CDK14: variants seen among roughly 807,000 people sequenced by gnomAD.
CDK14 encodes cyclin dependent kinase 14, also known as cyclin-dependent kinase 14.
A neutral mutation model predicts 60.7 loss-of-function variants in CDK14; 34 were observed. The ratio of observed to expected loss-of-function variants is 0.56; its 90% CI spans 0.43 to 0.75. CDK14 has a LOEUF of 0.75. CDK14 is among the 30% of genes least tolerant of loss of function. The pLI, the probability that CDK14 is intolerant of heterozygous loss-of-function variation, is 0.00. For synonymous variants in CDK14, 197 were observed against 203.7 expected, an observed-to-expected ratio of 0.97 and a Z score of 0.28; for missense variants, 482 against 564.1, an observed-to-expected ratio of 0.85 and a Z score of 1.47.
At position 90,596,574 on chromosome 7, in the gene CDK14, C is replaced by A; in HGVS notation, c.-54C>A. ...CCGCGGCGCGCGCCCTCGCCGTTGT[C>A]TGAGCTGTGCCTGGACCAGTTTGGG... On this transcript the variant is annotated 5_prime_UTR_variant, in exon 1 of 15. It adds an upstream start codon to the 5' untranslated region. Transcript: ENST00000380050. 6.7e-7 allele frequency: 1 copy of A among 1,500,946 alleles called. No homozygotes were observed. The highest frequency in any genetic ancestry group is 9.2e-7 in the Non-Finnish European group (1 of 1,082,360). The allele number at this position is 1,500,946 out of a possible 1,614,324, so 93.0% of individuals were successfully genotyped here.
At chr7:91,099,156 G>T (rs1407946579) in intron 12 of CDK14, among the ~76,000 whole-genome samples, 2 of 152,228 alleles carry the variant, frequency 1.3e-5, no homozygotes, top group South Asian at 4.2e-4. Flanking sequence ...AGAATGAAAG[G>T]CTAGGTAGCC....
chr7:90,879,152 C>T (rs1791659162), intron 6 of CDK14, among the ~76,000 whole-genome samples: 1 of 152,162 alleles, frequency 6.6e-6, no homozygotes, highest in South Asian at 2.1e-4. Flanking sequence ...ACTTACTATC[C>T]AACCACTCCA....
intron 10 of CDK14, among the ~76,000 whole-genome samples, chr7:91,006,927 C>G (rs996897352): frequency 6.6e-6 from 1 of 152,138 alleles, no homozygotes; most frequent in Non-Finnish European, 1.5e-5. Flanking sequence ...CCCACCTATT[C>G]CTGAAAATTT....
chr7:91,095,329 A>G (rs1267361876), intron 12 of CDK14, among the ~76,000 whole-genome samples: 1 of 152,214 alleles, frequency 6.6e-6, no homozygotes, highest in Non-Finnish European at 1.5e-5. Context: ...AGTATAGTGA[A>G]TGTGGGGAGA....
chr7:90,998,835 G>T (rs1245599116), intron 10 of CDK14, among the ~76,000 whole-genome samples: 1 of 152,170 alleles, frequency 6.6e-6, no homozygotes, highest in Non-Finnish European at 1.5e-5. Context: ...CTTGCAGTGA[G>T]CGGAGATCGC....
chr7:91,162,325 T>A (rs1043899202), intron 14 of CDK14, among the ~76,000 whole-genome samples: 1 of 152,238 alleles, frequency 6.6e-6, no homozygotes, highest in African/African-American at 2.4e-5. Context: ...ATGTTTAAAT[T>A]TCTTTCACTC....
At chr7:91,147,158 T>TCC (rs1562924493) in intron 14 of CDK14, among the ~76,000 whole-genome samples, 1,989 of 107,632 alleles carry the variant, frequency 0.018, 53 homozygotes, top group African/African-American at 0.06. Context: ...TCTCTCTCTC[T>TCC]CTCTCACACA....
chr7:91,072,403 A>G (rs913694166), intron 11 of CDK14, among the ~76,000 whole-genome samples: 18 of 152,160 alleles, frequency 1.2e-4, no homozygotes, highest in African/African-American at 3.9e-4. Context: ...GTAAATGCCC[A>G]GCAAACCACA....
At position 90,604,221 on chromosome 7, in the gene CDK14, T is replaced by G. The variant is rs192282583; in HGVS notation, c.95T>G (p.Leu32Trp). The G allele has an allele frequency of 6.5e-7, 1 of 1,538,040 alleles. No homozygotes were observed. The highest frequency in any genetic ancestry group is 2.0e-5 in the Admixed American group (1 of 51,054). The change falls in exon 2 of 15, where the codon TTG becomes TGG. Residue 32 changes from leucine to tryptophan, a missense_variant. Leu to Trp is a moderately conservative substitution (Grantham distance 61, BLOSUM62 -2). Transcript: ENST00000380050. ...TLSESFSRIA[L>W]KKDDTTFDEI... ...CCTTTTCCTTCTTATTTTATAGCTT[T>G]GAAGAAAGATGACACCACCTTTGAT...
chr7:91,062,115 C>T (rs1420774298), intron 11 of CDK14, among the ~76,000 whole-genome samples: 1 of 152,230 alleles, frequency 6.6e-6, no homozygotes, highest in African/African-American at 2.4e-5. Context: ...ACCCCTCCCC[C>T]AGCCTCGCTG....
At chr7:91,050,420 A>G (rs562948815) in intron 11 of CDK14, among the ~76,000 whole-genome samples, 2 of 142,406 alleles carry the variant, frequency 1.4e-5, no homozygotes, top group South Asian at 2.1e-4. Flanking sequence ...GAAAAAAAAA[A>G]TATATAACAA....
chr7:91,027,386 C>T (rs891743096), intron 10 of CDK14, among the ~76,000 whole-genome samples: 4 of 152,194 alleles, frequency 2.6e-5, no homozygotes, highest in African/African-American at 7.2e-5. Context: ...CATCCACTCT[C>T]GTCGTGTGCC....
intron 5 of CDK14, among the ~76,000 whole-genome samples, chr7:90,809,612 T>G (rs180964787): frequency 7.9e-5 from 12 of 151,944 alleles, no homozygotes; most frequent in Admixed American, 3.3e-4. Context: ...AGGCAAGAAA[T>G]AACTAAGATC....
rs767765024 is a variant in CDK14, at chr7:91,118,735, T to G, written c.*28+527T>G. ...TTTGGAGGGGATGTAGACTCCCCAG[T>G]TTAGTTTAGCTCCCATCTGGGCCAC... is the stretch of plus-strand genomic sequence containing the variant. On this transcript the variant is annotated intron_variant, in intron 14 of 14. Transcript: ENST00000380050. 3.9e-5 allele frequency among the ~76,000 whole-genome samples: 6 copies of G among 152,328 alleles called. 1 individual carries two copies. The Middle Eastern group carries it at 0.01, about 259-fold the overall frequency.
At chr7:90,700,507 T>A (rs963956418) in intron 2 of CDK14, among the ~76,000 whole-genome samples, 89 of 152,130 alleles carry the variant, frequency 5.9e-4, no homozygotes, top group African/African-American at 2.1e-3. Flanking sequence ...GAAAAGAACC[T>A]TTATTCATAA....
At chr7:91,062,393 C>G (rs1299643072) in intron 11 of CDK14, among the ~76,000 whole-genome samples, 3 of 152,088 alleles carry the variant, frequency 2.0e-5, no homozygotes, top group Non-Finnish European at 4.4e-5. Flanking sequence ...ACTCAGTGCA[C>G]TGCACCCACT....
chr7:91,183,760 C>G (rs141061969), intron 14 of CDK14, among the ~76,000 whole-genome samples: 53 of 152,328 alleles, frequency 3.5e-4, no homozygotes, highest in African/African-American at 1.2e-3. Flanking sequence ...CTGATTCCAT[C>G]CTACTAAAAT....
intron 14 of CDK14, among the ~76,000 whole-genome samples, chr7:91,122,692 T>C (rs1264985534): frequency 6.6e-6 from 1 of 152,248 alleles, no homozygotes; most frequent in East Asian, 1.9e-4. Flanking sequence ...TGCTTATTCA[T>C]GGATTCTGCT....
chr7:91,109,382 A>G (rs1409376442), intron 12 of CDK14, among the ~76,000 whole-genome samples: 1 of 152,174 alleles, frequency 6.6e-6, no homozygotes, highest in Non-Finnish European at 1.5e-5. Context: ...AAAACTTGTG[A>G]AAGCTTAAAC....
Sources: allele counts gnomAD v4.1 joint callset (sites outside exome capture counted in the v4.1 genomes callset), GRCh38; gene constraint gnomAD v4.1.1; transcripts MANE v1.5; gene names NCBI Gene and HGNC (gene_info 2026-07-23, HGNC 2026-07-21).